TIA1: variants seen among roughly 807,000 people sequenced by gnomAD.
TIA1 encodes the protein cytotoxic granule associated RNA binding protein TIA1.
In TIA1, 23 loss-of-function variants were observed where a neutral mutation model predicts 65.9. That is an observed-to-expected ratio of 0.35 (90% CI 0.25 to 0.49). The LOEUF (loss-of-function observed/expected upper bound fraction) is 0.49, where lower values mean the gene tolerates loss of function less well. Ranked by LOEUF, TIA1 falls within the 20% of genes least tolerant of loss-of-function variation. The pLI, the probability that TIA1 is intolerant of heterozygous loss-of-function variation, is 0.98. For synonymous variants in TIA1, 147 were observed against 149.4 expected, an observed-to-expected ratio of 0.98 and a Z score of 0.12; for missense variants, 371 against 477.9, an observed-to-expected ratio of 0.78 and a Z score of 2.09.
chr2:70,216,678 A>C, intron 8 of TIA1, 179 bp from the exon 9 acceptor site: 1 of 1,430,530 alleles, frequency 7.0e-7, no homozygotes, highest in Non-Finnish European at 9.3e-7. Flanking sequence ...AAAATTACCC[A>C]GTATTTTCTA....
At chr2:70,244,533 A>C (rs1379198062) in intron 1 of TIA1, among the ~76,000 whole-genome samples, 3 of 152,046 alleles carry the variant, frequency 2.0e-5, no homozygotes, top group Non-Finnish European at 4.4e-5. Flanking sequence ...ATTTTGGCCA[A>C]CCTTGCCTTC....
Position 70,232,540 on chromosome 2 carries a change from C to CAAAAAA in TIA1, c.124-1692_124-1687dup, listed in dbSNP as rs70956955. ...GGGCAACAAGAGTGAAACTCTGTCT[C>CAAAAAA]AAAAAAAAAAAAAAAAAAAAAAAAA... On this transcript the variant is annotated intron_variant, in intron 2 of 12. Coordinates refer to ENST00000433529, the MANE Select transcript of TIA1 (RefSeq NM_022173.4). Among the ~76,000 whole-genome samples, 6 of 40,262 alleles carry CAAAAAA rather than the reference C, an allele frequency of 1.5e-4. No individual in the cohort carries two copies. In the East Asian group the frequency reaches 2.4e-3, roughly 16 times the overall value. The allele number at this position is 40,262 out of a possible 152,430, so 26.4% of individuals were successfully genotyped here. A position where few individuals can be genotyped will look rare whatever the true frequency, so the allele number is the denominator to read the frequency against.
chr2:70,246,655 G>C (rs1694482808), intron 1 of TIA1, among the ~76,000 whole-genome samples: 1 of 152,194 alleles, frequency 6.6e-6, no homozygotes, highest in African/African-American at 2.4e-5. Context: ...GGAGGCCGAG[G>C]TGTGCGGATC....
chr2:70,211,885 A>G lies in TIA1; in HGVS notation c.*834T>C, dbSNP rs1201968362. 6.6e-6 allele frequency: 1 copy of G among 152,550 alleles called. No homozygotes were observed. The highest frequency in any genetic ancestry group is 2.4e-5 in the African/African-American group (1 of 41,466). The allele number at this position is 152,550 out of a possible 1,614,324, so 9.4% of individuals were successfully genotyped here. On this transcript the variant is annotated 3_prime_UTR_variant, in exon 13 of 13. Transcript: ENST00000433529. ...AGTTGACACATGAAATTAACATGGC[A>G]TAAGAACTTATCACATTTCAGATAT...
chr2:70,248,578 T>A lies in TIA1; in HGVS notation c.-148A>T, dbSNP rs751797938. 3 of 1,143,722 alleles carry A rather than the reference T, an allele frequency of 2.6e-6. No individual in the cohort carries two copies. In the South Asian group the frequency reaches 3.9e-5, roughly 15 times the overall value. 70.8% of individuals were successfully genotyped at this position (1,143,722 alleles called of 1,614,324 possible). A position where few individuals can be genotyped will look rare whatever the true frequency, so the allele number is the denominator to read the frequency against. ...CCTCCTCCTCCGGCGGCAATTACAC[T>A]AAACCGCCCGGCCCAGCGGGAACAA... On this transcript the variant is annotated 5_prime_UTR_variant, in exon 1 of 13. Transcript: ENST00000433529.
intron 12 of TIA1, among the ~76,000 whole-genome samples, chr2:70,214,105 TACA>T (rs1269376195): frequency 2.0e-5 from 3 of 152,110 alleles, no homozygotes; most frequent in African/African-American, 4.8e-5. Flanking sequence ...GCATAATGAA[TACA>T]ACAACTAGCA....
At chr2:70,248,747 C>T (rs1048696678), upstream of TIA1, 1 of 398,422 alleles carries the variant, frequency 2.5e-6, no homozygotes, top group Non-Finnish European at 4.5e-6. Flanking sequence ...TCACTTGTTG[C>T]GCAGCCGCTC....
rs981223836 is a variant in TIA1, at chr2:70,216,513, A to T, written c.584-14T>A. On this transcript the variant is annotated splice_polypyrimidine_tract_variant and intron_variant, in intron 8 of 12. Coordinates refer to ENST00000433529, the MANE Select transcript of TIA1 (RefSeq NM_022173.4). The stretch of plus-strand genomic sequence containing the variant: ...GTTTGGTATTTGCTGGTGAGAGAAA[A>T]GGTTTATGTCTTTAATTCATTAAAT... 3 of 1,604,154 alleles carry T rather than the reference A, an allele frequency of 1.9e-6. No homozygotes were observed. The highest frequency in any genetic ancestry group is 1.7e-5 in the Admixed American group (1 of 59,132).
chr2:70,245,599 G>A (rs536846655), intron 1 of TIA1, among the ~76,000 whole-genome samples: 1 of 152,166 alleles, frequency 6.6e-6, no homozygotes, highest in Admixed American at 6.5e-5. Flanking sequence ...TTTATATATG[G>A]AGAAGAGTAG....
chr2:70,244,380 A>G (rs1693287616), intron 1 of TIA1, among the ~76,000 whole-genome samples: 1 of 152,190 alleles, frequency 6.6e-6, no homozygotes, highest in South Asian at 2.1e-4. Context: ...GGCCTATTAT[A>G]TGTACTACCA....
At chr2:70,245,992 C>T (rs1388040356) in intron 1 of TIA1, among the ~76,000 whole-genome samples, 2 of 149,428 alleles carry the variant, frequency 1.3e-5, no homozygotes, top group African/African-American at 5.0e-5. Context: ...GGCGCAACCT[C>T]GGCTCACTGC....
At chr2:70,245,079 G>A (rs181430483) in intron 1 of TIA1, among the ~76,000 whole-genome samples, 33 of 152,076 alleles carry the variant, frequency 2.2e-4, no homozygotes, top group Admixed American at 1.2e-3. Flanking sequence ...TCCACCTCCC[G>A]GGCGATTCTC....
At chr2:70,220,464 A>G (rs1447753126) in intron 7 of TIA1, among the ~76,000 whole-genome samples, 1 of 152,132 alleles carries the variant, frequency 6.6e-6, no homozygotes, top group East Asian at 1.9e-4. Flanking sequence ...GGTCATGTGA[A>G]GATGAAGGCA....
At chr2:70,231,518 C>G (rs1261924298) in intron 2 of TIA1, among the ~76,000 whole-genome samples, 1 of 151,840 alleles carries the variant, frequency 6.6e-6, no homozygotes. Context: ...ACAGGTTATA[C>G]TATAGTACTA....
At chr2:70,242,641 C>T (rs1692402473) in intron 1 of TIA1, among the ~76,000 whole-genome samples, 1 of 150,874 alleles carries the variant, frequency 6.6e-6, no homozygotes, top group Non-Finnish European at 1.5e-5. Context: ...CCATCTAGAA[C>T]AGGGGTCCCC....
intron 7 of TIA1, among the ~76,000 whole-genome samples, chr2:70,220,087 C>T (rs1049780977): frequency 2.0e-5 from 3 of 151,820 alleles, no homozygotes; most frequent in Admixed American, 6.6e-5. Flanking sequence ...TAAGGTGGGC[C>T]CCAAATCCAA....
chr2:70,238,720 G>T (rs1398380393), intron 1 of TIA1, among the ~76,000 whole-genome samples: 2 of 151,838 alleles, frequency 1.3e-5, no homozygotes, highest in African/African-American at 4.8e-5. Flanking sequence ...AATATAAATC[G>T]TGCATTACAA....
At chr2:70,223,946 G>T (rs1435322310) in intron 7 of TIA1, among the ~76,000 whole-genome samples, 3 of 151,490 alleles carry the variant, frequency 2.0e-5, no homozygotes, top group Non-Finnish European at 4.4e-5. Context: ...TTTGAGACAG[G>T]GTCTCACTCT....
chr2:70,221,849 G>A (rs1324764100), intron 7 of TIA1, among the ~76,000 whole-genome samples: 1 of 151,688 alleles, frequency 6.6e-6, no homozygotes, highest in African/African-American at 2.4e-5. Context: ...GTGCAGTGGT[G>A]CAATCTCAGC....
Sources: allele counts gnomAD v4.1 joint callset (sites outside exome capture counted in the v4.1 genomes callset), GRCh38; gene constraint gnomAD v4.1.1; transcripts MANE v1.5; gene names NCBI Gene and HGNC (gene_info 2026-07-23, HGNC 2026-07-21).